CABIN1: variants seen among roughly 807,000 people sequenced by gnomAD.
CABIN1 encodes calcineurin-binding protein cabin-1.
In CABIN1, 133 loss-of-function variants were observed where a neutral mutation model predicts 227.7. The observed-to-expected ratio is 0.58, with a 90% CI of 0.51 to 0.67. The LOEUF is 0.67. Ranked by LOEUF, CABIN1 falls within the 30% of genes least tolerant of loss-of-function variation. The pLI, the probability that CABIN1 is intolerant of heterozygous loss-of-function variation, is 0.00. For missense variants in CABIN1, 2,408 were observed against 2,852.5 expected, an observed-to-expected ratio of 0.84 and a Z score of 3.55; for synonymous variants, 1,086 against 1,155.1, an observed-to-expected ratio of 0.94 and a Z score of 1.21.
At chr22:24,169,074 G>T (rs747735306) in intron 33 of CABIN1, among the ~76,000 whole-genome samples, 7 of 152,094 alleles carry the variant, frequency 4.6e-5, no homozygotes, top group Admixed American at 1.3e-4. Context: ...GCTGGGGAGG[G>T]GGGGGCGGGG....
intron 29 of CABIN1, among the ~76,000 whole-genome samples, chr22:24,153,673 G>A (rs2045620458): frequency 6.6e-6 from 1 of 152,152 alleles, no homozygotes; most frequent in Non-Finnish European, 1.5e-5. Flanking sequence ...TCCATCTGAT[G>A]GGGCTTTGGA....
rs562168486 is a variant in CABIN1, at chr22:24,085,502, A to G, written c.3263+351A>G. On this transcript the variant is annotated intron_variant, in intron 22 of 36. Transcript: ENST00000263119. Reference sequence around the variant, plus strand: ...GTGCTGCCCCCTTTCACAGCCCCAGAGTGTGTACTCTTGCTGCTTCCACTG... The same window carrying G: ...GTGCTGCCCCCTTTCACAGCCCCAGGGTGTGTACTCTTGCTGCTTCCACTG... Among the ~76,000 whole-genome samples the G allele has an allele frequency of 1.1e-4, 17 of 152,228 alleles. No homozygotes were observed. The South Asian group carries it at 2.5e-3, about 22-fold the overall frequency.
At chr22:24,042,490 A>G (rs998580742) in intron 5 of CABIN1, among the ~76,000 whole-genome samples, 30 of 152,114 alleles carry the variant, frequency 2.0e-4, no homozygotes, top group Non-Finnish European at 4.4e-5. Flanking sequence ...CTGAGGTGAG[A>G]GGATTGCTTG....
At chr22:24,098,355 T>C in intron 26 of CABIN1, 163 bp downstream of exon 26, 1 of 1,416,622 alleles carries the variant, frequency 7.1e-7, no homozygotes, top group East Asian at 2.5e-5. Flanking sequence ...GGATTCACAG[T>C]GATTCTTGTG....
intron 11 of CABIN1, 124 bp from the exon 12 acceptor site, chr22:24,059,800 A>G (rs1052761892): frequency 7.0e-6 from 6 of 861,916 alleles, no homozygotes; most frequent in Non-Finnish European, 1.1e-5. Flanking sequence ...ACAACGTGGT[A>G]TCATGTCCAC....
intron 23 of CABIN1, 132 bp from the exon 24 acceptor site, chr22:24,091,451 G>C: frequency 8.8e-7 from 1 of 1,133,848 alleles, no homozygotes; most frequent in East Asian, 2.5e-5. Flanking sequence ...AATGGTGAGG[G>C]CATTTCTGTG....
intron 1 of CABIN1, among the ~76,000 whole-genome samples, chr22:24,015,181 G>A (rs929597632): frequency 1.4e-5 from 2 of 144,840 alleles, no homozygotes; most frequent in African/African-American, 5.1e-5. Context: ...CTGGAGAATC[G>A]CTTGAACCTG....
chr22:24,125,514 T>C (rs1454297427), intron 28 of CABIN1, among the ~76,000 whole-genome samples: 1 of 152,186 alleles, frequency 6.6e-6, no homozygotes, highest in Non-Finnish European at 1.5e-5. Context: ...GAGGGCCTGC[T>C]GTTGAGACCC....
chr22:24,162,423 C>T (rs2046211359), intron 29 of CABIN1, among the ~76,000 whole-genome samples: 1 of 152,214 alleles, frequency 6.6e-6, no homozygotes, highest in Admixed American at 6.5e-5. Context: ...GAAGGGGCTT[C>T]TGGGAATAGT....
In CABIN1 at chr22:24,060,026, TA is replaced by T; in HGVS notation, c.1504del (p.Arg502GlyfsTer29). 2 of 1,614,120 alleles carry T rather than the reference TA, an allele frequency of 1.2e-6. No individual in the cohort carries two copies. Among genetic ancestry groups the T allele is most frequent in the Non-Finnish European group, 8.5e-7 (1 of 1,180,016 alleles). On this transcript the variant is annotated frameshift_variant, in exon 12 of 37. Coordinates refer to ENST00000263119, the MANE Select transcript of CABIN1 (RefSeq NM_012295.4). LOFTEE classifies it high-confidence loss of function. ...AAAGCCATGGGCCACAAGTTCTTGG[TA>T]AGGTGGCCTCCAGGCTTGGCGGAGG... is the stretch of plus-strand genomic sequence containing the variant. Reference protein sequence around the residue: ...YLKAMGHKFLVRWPPGLAEVV... With the variant: ...YLKAMGHKFLXRWPPGLAEVV...
chr22:24,151,549 C>T (rs1875589679), intron 29 of CABIN1, among the ~76,000 whole-genome samples: 1 of 152,152 alleles, frequency 6.6e-6, no homozygotes, highest in African/African-American at 2.4e-5. Flanking sequence ...CAGCAGTCTT[C>T]CAAAGAGTGG....
At chr22:24,164,934 C>G (rs550434555) in intron 30 of CABIN1, among the ~76,000 whole-genome samples, 1 of 152,300 alleles carries the variant, frequency 6.6e-6, no homozygotes, top group South Asian at 2.1e-4. Flanking sequence ...AGGCCAGTAA[C>G]AGTGGGGTGA....
rs753661277 is a variant in CABIN1 at position 24,071,018 on chromosome 22, G to A, written c.2451G>A (p.Val817=). 4.5e-5 allele frequency: 72 copies of A among 1,614,222 alleles called. 1 individual carries two copies. In the East Asian group the frequency reaches 1.5e-3, roughly 34 times the overall value. The change falls in exon 17 of 37, where the codon GTG becomes GTA. Residue 817 remains valine (V), a synonymous_variant. Coordinates refer to ENST00000263119, the MANE Select transcript of CABIN1 (RefSeq NM_012295.4). ...TATCATCCTCCACCACTGGCCTTGT[G>A]CGGCTCACCAACAACCTCATCCAGG... ...LKVSSSTTGL[V]RLTNNLIQVI...
rs560293228 is a variant in CABIN1, at chr22:24,164,699, C to T, written c.4910+136C>T. 5.0e-5 allele frequency: 52 copies of T among 1,036,098 alleles called. 1 individual carries two copies. The South Asian group carries it at 6.9e-4, about 14-fold the overall frequency. The allele number at this position is 1,036,098 out of a possible 1,614,324, so 64.2% of individuals were successfully genotyped here. On this transcript the variant is annotated intron_variant, in intron 30 of 36. Coordinates refer to ENST00000263119, the MANE Select transcript of CABIN1 (RefSeq NM_012295.4). Reference sequence around the variant, plus strand: ...GAGCCTGGACCAGCTCTTCATTCTCCTTGGGGGCCTCTCTGTCCCAGTGTC... The same window carrying T: ...GAGCCTGGACCAGCTCTTCATTCTCTTTGGGGGCCTCTCTGTCCCAGTGTC...
At chr22:24,026,713 A>G (rs2036116911) in intron 1 of CABIN1, among the ~76,000 whole-genome samples, 1 of 152,078 alleles carries the variant, frequency 6.6e-6, no homozygotes. Context: ...TTGGGTTCTT[A>G]TGGACTCTGT....
chr22:24,114,233 T>C lies in CABIN1; in HGVS notation c.4300+485T>C, dbSNP rs2042963503. On this transcript the variant is annotated intron_variant, in intron 27 of 36. Transcript: ENST00000263119. ...GAGCCCTGATTTAAGCCTGGGGGTGTGCCCAACTCTCCTGGGGGGTCCAGG... is the reference window on the plus strand; with the variant it reads ...GAGCCCTGATTTAAGCCTGGGGGTGCGCCCAACTCTCCTGGGGGGTCCAGG... 7.2e-5 allele frequency among the ~76,000 whole-genome samples: 11 copies of C among 152,324 alleles called. No individual in the cohort carries two copies. The South Asian group carries it at 2.3e-3, about 32-fold the overall frequency.
chr22:24,112,923 A>G (rs1194977215), intron 26 of CABIN1, among the ~76,000 whole-genome samples: 1 of 151,430 alleles, frequency 6.6e-6, no homozygotes, highest in East Asian at 1.9e-4. Context: ...GATCTGCACT[A>G]CTCCCAGGAA....
At chr22:24,112,863 C>A (rs7285786) in intron 26 of CABIN1, among the ~76,000 whole-genome samples, 168 of 152,300 alleles carry the variant, frequency 1.1e-3, no homozygotes, top group African/African-American at 3.9e-3. Context: ...TTCTGTTCCT[C>A]CAGGTAGGCT....
intron 29 of CABIN1, among the ~76,000 whole-genome samples, chr22:24,142,446 C>T (rs1276002359): frequency 6.6e-6 from 1 of 152,206 alleles, no homozygotes; most frequent in African/African-American, 2.4e-5. Context: ...CACCCAGGAA[C>T]CCAGCTGTGG....
Sources: allele counts gnomAD v4.1 joint callset (sites outside exome capture counted in the v4.1 genomes callset), GRCh38; gene constraint gnomAD v4.1.1; transcripts MANE v1.5; gene names NCBI Gene and HGNC (gene_info 2026-07-23, HGNC 2026-07-21).